ELMOD1: variants seen among roughly 807,000 people sequenced by gnomAD.
ELMOD1 encodes the protein ELMO domain-containing protein 1.
Under a neutral mutation model 46.7 loss-of-function variants are expected in ELMOD1, and 21 were observed. That is an observed-to-expected ratio of 0.45 (90% confidence interval 0.32 to 0.65). The LOEUF is 0.65. ELMOD1 is among the 30% of genes least tolerant of loss of function. ELMOD1 has a pLI of 0.04. For missense variants in ELMOD1, 348 were observed against 407.8 expected (o/e 0.85, Z 1.26); for synonymous variants, 122 against 138.2 (o/e 0.88, Z 0.82).
chr11:107,604,800 T>G (rs1168784145), intron 1 of ELMOD1, among the ~76,000 whole-genome samples: 1 of 152,222 alleles, frequency 6.6e-6, no homozygotes, highest in Non-Finnish European at 1.5e-5. Flanking sequence ...ATGGTCGAAT[T>G]CCTTTAAATG....
At position 107,665,247 on chromosome 11, in the gene ELMOD1, T is replaced by C; in HGVS notation, c.*50T>C. On this transcript the variant is annotated 3_prime_UTR_variant, in exon 12 of 12. Transcript: ENST00000265840. ...ACCCTGGAACACTGCCTCATTGTCTTGTTAGATCTCTGCTTAGGTCGCAGC... is the reference window on the plus strand; with the variant it reads ...ACCCTGGAACACTGCCTCATTGTCTCGTTAGATCTCTGCTTAGGTCGCAGC... The C allele has an allele frequency of 6.3e-7, 1 of 1,580,114 alleles. No homozygotes were observed. The highest frequency in any genetic ancestry group is 8.6e-7 in the Non-Finnish European group (1 of 1,156,810).
chr11:107,605,141 G>A (rs1419603247), intron 1 of ELMOD1, among the ~76,000 whole-genome samples: 1 of 148,818 alleles, frequency 6.7e-6, no homozygotes, highest in South Asian at 2.1e-4. Flanking sequence ...ATAAATATAT[G>A]TATTTTAAAA....
intron 2 of ELMOD1, among the ~76,000 whole-genome samples, chr11:107,627,786 A>G (rs1056619930): frequency 6.6e-6 from 1 of 152,206 alleles, no homozygotes; most frequent in African/African-American, 2.4e-5. Flanking sequence ...TTGAACGATC[A>G]TAAGGGTCGT....
At chr11:107,618,054 A>C in intron 1 of ELMOD1, 51 bp from the exon 2 acceptor site, 1 of 1,046,946 alleles carries the variant, frequency 9.6e-7, no homozygotes, top group Non-Finnish European at 1.4e-6. Context: ...TTTGGTTTGC[A>C]GCTTCCAGCC....
intron 11 of ELMOD1, among the ~76,000 whole-genome samples, chr11:107,664,085 A>G (rs1866793663): frequency 6.6e-6 from 1 of 152,154 alleles, no homozygotes; most frequent in Non-Finnish European, 1.5e-5. Flanking sequence ...TCCTGAGCTC[A>G]GGTGATCCAC....
chr11:107,628,444 C>T (rs544225608), intron 2 of ELMOD1, among the ~76,000 whole-genome samples: 4 of 152,230 alleles, frequency 2.6e-5, no homozygotes, highest in East Asian at 3.9e-4. Context: ...GTATTACAGG[C>T]GTGAGCCACT....
At chr11:107,603,757 G>A (rs1218410776) in intron 1 of ELMOD1, among the ~76,000 whole-genome samples, 1 of 150,236 alleles carries the variant, frequency 6.7e-6, no homozygotes, top group African/African-American at 2.4e-5. Context: ...CATGCCTCGT[G>A]ATCCCAGCTA....
intron 4 of ELMOD1, among the ~76,000 whole-genome samples, chr11:107,631,346 C>G (rs1175282062): frequency 6.7e-6 from 1 of 149,896 alleles, no homozygotes; most frequent in African/African-American, 2.5e-5. Flanking sequence ...AGAACAAAAC[C>G]AAAAAAATTG....
At position 107,647,547 on chromosome 11, in the gene ELMOD1, A is replaced by T. The variant is rs1457852277; in HGVS notation, c.500A>T (p.Asp167Val). 1 of 1,613,592 alleles carries T rather than the reference A, an allele frequency of 6.2e-7. No individual in the cohort carries two copies. Among genetic ancestry groups the T allele is most frequent in the South Asian group, 1.1e-5 (1 of 91,032 alleles). The change falls in exon 7 of 12, where the codon GAT becomes GTT. Residue 167 changes from aspartate to valine, a missense_variant. Transcript: ENST00000265840. Reference sequence around the variant, plus strand: ...TGGTGTGAAATTGGTTTCCAAGGTGATGATCCTAAAACAGACTTTCGAGGA... The same window carrying T: ...TGGTGTGAAATTGGTTTCCAAGGTGTTGATCCTAAAACAGACTTTCGAGGA... ...KQWCEIGFQG[D>V]DPKTDFRGMG...
At chr11:107,612,606 G>A (rs1865798822) in intron 1 of ELMOD1, among the ~76,000 whole-genome samples, 1 of 152,182 alleles carries the variant, frequency 6.6e-6, no homozygotes, top group Non-Finnish European at 1.5e-5. Context: ...TTAGTAGAAT[G>A]AAATAGATGA....
intron 6 of ELMOD1, among the ~76,000 whole-genome samples, chr11:107,637,577 C>T (rs370101486): frequency 1.6e-4 from 25 of 152,154 alleles, no homozygotes; most frequent in South Asian, 1.5e-3. Context: ...CCTGTAATCC[C>T]AGGTACTCGG....
intron 11 of ELMOD1, among the ~76,000 whole-genome samples, chr11:107,660,491 G>A (rs1866720091): frequency 6.6e-6 from 1 of 152,142 alleles, no homozygotes; most frequent in Non-Finnish European, 1.5e-5. Flanking sequence ...ACGCCAGAAG[G>A]GGAAAAGCAA....
rs1865664756 is a variant in ELMOD1, at chr11:107,605,189, TTC to T, written c.-85-12914_-85-12913del. On this transcript the variant is annotated intron_variant, in intron 1 of 11. Transcript: ENST00000265840. Reference sequence around the variant, plus strand: ...TTTGTAGCTGAGAGATGAATTTTCTTTCTTTTTTTTTTTTTTTTTTTCTTTTT... The same window carrying T: ...TTTGTAGCTGAGAGATGAATTTTCTTTTTTTTTTTTTTTTTTTTTCTTTTT... 4.0e-5 allele frequency among the ~76,000 whole-genome samples: 6 copies of T among 151,108 alleles called. No individual in the cohort carries two copies. In the South Asian group the frequency reaches 1.2e-3, roughly 31 times the overall value.
intron 6 of ELMOD1, among the ~76,000 whole-genome samples, chr11:107,641,883 T>TA (rs1422799977): frequency 6.6e-6 from 1 of 150,650 alleles, no homozygotes; most frequent in Non-Finnish European, 1.5e-5. Flanking sequence ...AACTCAGAGG[T>TA]AAAATCAAAG....
intron 9 of ELMOD1, among the ~76,000 whole-genome samples, chr11:107,651,571 C>T (rs11212313): frequency 0.014 from 2,205 of 152,278 alleles, 66 homozygotes; most frequent in African/African-American, 0.051. Context: ...CCCAAATTTA[C>T]ATTTGTAATA....
At position 107,666,110 on chromosome 11, in the gene ELMOD1, G is replaced by A. The variant is rs866905609; in HGVS notation, c.*913G>A. Reference sequence around the variant, plus strand: ...CAAGAAGTAACTTTAGGTAGGAGCTGTTTTTGTTTGAAGTACTGCAAAATT... The same window carrying A: ...CAAGAAGTAACTTTAGGTAGGAGCTATTTTTGTTTGAAGTACTGCAAAATT... On this transcript the variant is annotated 3_prime_UTR_variant, in exon 12 of 12. Coordinates refer to ENST00000265840, the MANE Select transcript of ELMOD1 (RefSeq NM_018712.4). The A allele has an allele frequency of 6.6e-6, 1 of 152,170 alleles. No homozygotes were observed. Among genetic ancestry groups the A allele is most frequent in the African/African-American group, 2.4e-5 (1 of 41,434 alleles). The allele number at this position is 152,170 out of a possible 1,614,324, so 9.4% of individuals were successfully genotyped here.
chr11:107,639,194 C>T (rs991876540), intron 6 of ELMOD1, among the ~76,000 whole-genome samples: 7 of 151,938 alleles, frequency 4.6e-5, no homozygotes, highest in African/African-American at 1.5e-4. Flanking sequence ...AATGTAAAAG[C>T]GTGTTTGCTG....
At chr11:107,642,156 C>T (rs962904994) in intron 6 of ELMOD1, among the ~76,000 whole-genome samples, 1 of 151,764 alleles carries the variant, frequency 6.6e-6, no homozygotes, top group African/African-American at 2.4e-5. Flanking sequence ...CTTAGCCAGG[C>T]TGATCTTGAA....
At chr11:107,661,738 T>C (rs1021151000) in intron 11 of ELMOD1, among the ~76,000 whole-genome samples, 5 of 152,260 alleles carry the variant, frequency 3.3e-5, no homozygotes, top group African/African-American at 4.8e-5. Context: ...TTCTCAACTT[T>C]AGTGACACAA....
Sources: allele counts gnomAD v4.1 joint callset (sites outside exome capture counted in the v4.1 genomes callset), GRCh38; gene constraint gnomAD v4.1.1; transcripts MANE v1.5; gene names NCBI Gene and HGNC (gene_info 2026-07-23, HGNC 2026-07-21).